Variants in PRDM11 observed in about 807,000 individuals in gnomAD.
The protein encoded by PRDM11 is PR domain-containing protein 11.
In PRDM11, 20 loss-of-function variants were observed where a neutral mutation model predicts 97.8. That is an observed-to-expected ratio of 0.20 (90% CI 0.14 to 0.30). The LOEUF is 0.30. Among genes scored for constraint, PRDM11 ranks in the 10% least tolerant of loss-of-function variants. The probability of loss-of-function intolerance (pLI) is 1.00; values close to 1 mark genes in which losing one functional copy is unlikely to be tolerated. For synonymous variants in PRDM11, 599 were observed against 637.7 expected, an observed-to-expected ratio of 0.94 and a Z score of 0.91; for missense variants, 1,139 against 1,555.2, an observed-to-expected ratio of 0.73 and a Z score of 4.50.
intron 1 of PRDM11, among the ~76,000 whole-genome samples, chr11:45,130,458 G>A (rs1852692530): frequency 6.6e-6 from 1 of 152,154 alleles, no homozygotes; most frequent in South Asian, 2.1e-4. Flanking sequence ...ATGAGAAGGT[G>A]TTCAACATTA....
chr11:45,112,419 C>T (rs1050549592), intron 1 of PRDM11, among the ~76,000 whole-genome samples: 3 of 152,136 alleles, frequency 2.0e-5, no homozygotes, highest in Non-Finnish European at 2.9e-5. Context: ...GTGTTTTTTT[C>T]ATATAATGAT....
chr11:45,183,435 C>T (rs1460451760), intron 4 of PRDM11, among the ~76,000 whole-genome samples: 2 of 152,136 alleles, frequency 1.3e-5, no homozygotes, highest in African/African-American at 2.4e-5. Flanking sequence ...TTGAACCAAC[C>T]GATCTTCTAG....
chr11:45,166,635 T>C (rs142106413), intron 1 of PRDM11, among the ~76,000 whole-genome samples: 241 of 152,348 alleles, frequency 1.6e-3, no homozygotes, highest in African/African-American at 5.6e-3. Context: ...TCCTAGCACC[T>C]AGGACAGTGC....
At chr11:45,108,167 G>A (rs766944079) in intron 1 of PRDM11, among the ~76,000 whole-genome samples, 3 of 152,104 alleles carry the variant, frequency 2.0e-5, no homozygotes, top group Non-Finnish European at 4.4e-5. Context: ...ACCCATGCAC[G>A]TGGCTCATTT....
At chr11:45,213,984 G>A in intron 5 of PRDM11, 1 of 337,054 alleles carries the variant, frequency 3.0e-6, no homozygotes, top group Non-Finnish European at 5.9e-6. Flanking sequence ...GAGGTGGGAG[G>A]CACCTAGCAT....
At chr11:45,225,896 A>G (rs1854262711) in intron 7 of PRDM11, 99 bp from the exon 8 acceptor site, 1 of 1,380,558 alleles carries the variant, frequency 7.2e-7, no homozygotes, top group Non-Finnish European at 9.5e-7. Context: ...TCTGTTTCCC[A>G]TGGTGTGGCA....
rs538720572 is a variant in PRDM11, at chr11:45,222,638, T to C, written c.743-1579T>C. On this transcript the variant is annotated intron_variant, in intron 6 of 7. Coordinates refer to ENST00000683152, the MANE Select transcript of PRDM11 (RefSeq NM_001384648.1). ...ATGTGAGGACAGAAAAGGTGCATCC[T>C]GAATAGATAACTCCCTTTTGTGCTG... Among the ~76,000 whole-genome samples, 9 of 152,326 alleles carry C rather than the reference T, an allele frequency of 5.9e-5. No individual in the cohort carries two copies. The South Asian group carries it at 1.9e-3, about 32-fold the overall frequency.
intron 1 of PRDM11, among the ~76,000 whole-genome samples, chr11:45,105,924 G>C (rs1033384394): frequency 6.6e-6 from 1 of 152,238 alleles, no homozygotes; most frequent in African/African-American, 2.4e-5. Context: ...CATGAAGTCA[G>C]GCTGGACCGA....
chr11:45,098,061 T>C (rs1453310201), intron 1 of PRDM11, among the ~76,000 whole-genome samples: 1 of 152,206 alleles, frequency 6.6e-6, no homozygotes, highest in African/African-American at 2.4e-5. Flanking sequence ...GAGGAATTAG[T>C]CACGTGACAG....
chr11:45,163,489 G>GGA (rs1028078266), intron 1 of PRDM11, among the ~76,000 whole-genome samples: 5 of 3,110 alleles, frequency 1.6e-3, no homozygotes, highest in Non-Finnish European at 5.6e-3. Context: ...GCTTGAGGAT[G>GGA]GGGGGGGGTA....
rs115540850 is a variant in PRDM11, at chr11:45,174,336, G to A, written c.-6-7425G>A. 3.9e-3 allele frequency among the ~76,000 whole-genome samples: 590 copies of A among 152,294 alleles called. 3 individuals carry two copies. Among genetic ancestry groups the A allele is most frequent in the African/African-American group, 0.013 (551 of 41,560 alleles). Reference sequence around the variant, plus strand: ...GTCAAATTTCTTTGCTTTTGCTTAGGATGACGGCCGCTAACCAGTGTATTA... The same window carrying A: ...GTCAAATTTCTTTGCTTTTGCTTAGAATGACGGCCGCTAACCAGTGTATTA... On this transcript the variant is annotated intron_variant, in intron 1 of 7. Transcript: ENST00000683152.
intron 1 of PRDM11, among the ~76,000 whole-genome samples, chr11:45,120,752 T>C (rs1250069131): frequency 6.6e-6 from 1 of 151,798 alleles, no homozygotes; most frequent in African/African-American, 2.4e-5. Context: ...AAGGAGTGAA[T>C]AGTACCCAAG....
intron 1 of PRDM11, among the ~76,000 whole-genome samples, chr11:45,127,063 C>T (rs887948449): frequency 6.6e-6 from 1 of 152,052 alleles, no homozygotes; most frequent in Non-Finnish European, 1.5e-5. Flanking sequence ...TCTAAACTTC[C>T]CTTCTCGCTT....
chr11:45,142,450 C>T (rs1397158778), upstream of PRDM11, among the ~76,000 whole-genome samples: 1 of 152,160 alleles, frequency 6.6e-6, no homozygotes, highest in African/African-American at 2.4e-5. Context: ...TGAAATGCCA[C>T]CTCCTCAGAG....
At chr11:45,153,301 C>T (rs972378672) in intron 1 of PRDM11, among the ~76,000 whole-genome samples, 15 of 152,366 alleles carry the variant, frequency 9.8e-5, no homozygotes, top group Admixed American at 3.3e-4. Flanking sequence ...CCACACTGTT[C>T]CCTGGAGAGG....
chr11:45,220,144 T>C (rs1335460249), intron 6 of PRDM11, among the ~76,000 whole-genome samples: 1 of 152,194 alleles, frequency 6.6e-6, no homozygotes, highest in Non-Finnish European at 1.5e-5. Context: ...AAATACTCAA[T>C]ATGTGAAATA....
At chr11:45,160,009 T>C (rs1200280894) in intron 1 of PRDM11, among the ~76,000 whole-genome samples, 1 of 152,318 alleles carries the variant, frequency 6.6e-6, no homozygotes, top group East Asian at 1.9e-4. Context: ...TTGAGTCACA[T>C]TGAAGATCCA....
At position 45,227,343 on chromosome 11, in the gene PRDM11, C is replaced by T. The variant is rs1305969328; in HGVS notation, c.2718C>T (p.Ser906=). The T allele has an allele frequency of 6.5e-7, 1 of 1,533,844 alleles. No individual in the cohort carries two copies. Among genetic ancestry groups the T allele is most frequent in the Non-Finnish European group, 8.7e-7 (1 of 1,146,740 alleles). ...TCCAGGGCGAGTACCTGCTGGTGTC[C>T]CAGGTGGATGACAAGATCGAGGAGG... ...YIFQGEYLLV[S]QVDDKIEEAI... The change falls in exon 8 of 8, where the codon TCC becomes TCT. Residue 906 remains serine, a synonymous_variant. Transcript: ENST00000683152. This position sits in a 1 kb window ranked among gnomAD's most constrained non-coding sequence, Gnocchi z 8.0.
intron 1 of PRDM11, among the ~76,000 whole-genome samples, chr11:45,180,191 G>T (rs1272141177): frequency 6.6e-6 from 1 of 152,210 alleles, no homozygotes; most frequent in Non-Finnish European, 1.5e-5. Context: ...CAATTCCTGC[G>T]CCCTCACAGG....
Sources: gnomAD v4.1 joint callset for allele counts (sites outside exome capture counted in the v4.1 genomes callset) on GRCh38, gnomAD v4.1.1 for gene constraint, Gnocchi (gnomAD v3.1) non-coding constraint, MANE v1.5 for transcripts, NCBI Gene and HGNC (gene_info 2026-07-23, HGNC 2026-07-21) for gene names.